The following MAST4 variants were observed in gnomAD, a reference collection of about 807,000 sequenced individuals.
The protein encoded by MAST4 is microtubule-associated serine/threonine-protein kinase 4.
Under a neutral mutation model 162.7 loss-of-function variants are expected in MAST4, and 89 were observed. The ratio of observed to expected loss-of-function variants is 0.55; its 90% CI spans 0.46 to 0.65. MAST4 has a LOEUF of 0.65. Ranked by LOEUF, MAST4 falls within the 30% of genes least tolerant of loss-of-function variation. The pLI is 0.00. For missense variants in MAST4, 3,153 were observed against 3,374.0 expected, an observed-to-expected ratio of 0.93 and a Z score of 1.62; for synonymous variants, 1,479 against 1,361.1, an observed-to-expected ratio of 1.09 and a Z score of -1.91.
chr5:66,628,340 C>CAT (rs531563219), intron 1 of MAST4, among the ~76,000 whole-genome samples: 2 of 136,204 alleles, frequency 1.5e-5, no homozygotes, highest in African/African-American at 5.4e-5. Context: ...GACTTTTTTT[C>CAT]TTTTTTTTTT....
chr5:66,973,894 G>A (rs1300468341), intron 4 of MAST4, among the ~76,000 whole-genome samples: 1 of 152,144 alleles, frequency 6.6e-6, no homozygotes, highest in African/African-American at 2.4e-5. Context: ...TGTTGGTCAA[G>A]TTGTCCTAAA....
At chr5:66,709,568 C>T (rs560584485) in intron 1 of MAST4, among the ~76,000 whole-genome samples, 49 of 152,138 alleles carry the variant, frequency 3.2e-4, no homozygotes, top group African/African-American at 1.0e-3. Flanking sequence ...CCTCCCATCT[C>T]GGCCTCCCAA....
At position 67,014,028 on chromosome 5, in the gene MAST4, CAA is replaced by C. The variant is rs574631253; in HGVS notation, c.675-40374_675-40373del. ...ATCTCAAGACTTTTGATACAAAAAT[CAA>C]AGACTTTTCCAAATAGATTACCTAG... On this transcript the variant is annotated intron_variant, in intron 4 of 28. Transcript: ENST00000403625. Among the ~76,000 whole-genome samples the C allele has an allele frequency of 5.6e-3, 853 of 152,008 alleles. 5 individuals are homozygous for C. The highest frequency in any genetic ancestry group is 0.034 in the South Asian group (164 of 4,822).
intron 1 of MAST4, among the ~76,000 whole-genome samples, chr5:66,598,720 CTGG>C (rs1428630422): frequency 1.3e-5 from 2 of 152,194 alleles, no homozygotes; most frequent in African/African-American, 2.4e-5. Flanking sequence ...AGTATTGCCG[CTGG>C]TGGAGAGTAG....
At chr5:67,082,926 C>G (rs1332172350) in intron 5 of MAST4, among the ~76,000 whole-genome samples, 2 of 152,016 alleles carry the variant, frequency 1.3e-5, no homozygotes, top group African/African-American at 4.8e-5. Flanking sequence ...AAAAAGTCAC[C>G]AAAAAGGGAG....
intron 1 of MAST4, among the ~76,000 whole-genome samples, chr5:66,734,060 C>T (rs1448309025): frequency 1.3e-5 from 2 of 152,144 alleles, no homozygotes; most frequent in Non-Finnish European, 2.9e-5. Flanking sequence ...TGTTACCTTG[C>T]TTTTTACCAA....
At chr5:66,742,225 C>T (rs549855837) in intron 1 of MAST4, among the ~76,000 whole-genome samples, 56 of 152,286 alleles carry the variant, frequency 3.7e-4, no homozygotes, top group African/African-American at 1.3e-3. Flanking sequence ...CAGTTGCTCT[C>T]GCGGTTCATC....
intron 4 of MAST4, among the ~76,000 whole-genome samples, chr5:66,918,182 A>C (rs1764242779): frequency 6.6e-6 from 1 of 152,176 alleles, no homozygotes; most frequent in Non-Finnish European, 1.5e-5. Flanking sequence ...TGATAATTAT[A>C]TTATTGCATT....
chr5:67,148,321 A>G (rs900404485), intron 23 of MAST4, among the ~76,000 whole-genome samples: 1 of 152,226 alleles, frequency 6.6e-6, no homozygotes, highest in Admixed American at 6.5e-5. Flanking sequence ...ATGTGCTATC[A>G]ATGATGTTTT....
intron 6 of MAST4, 129 bp downstream of exon 6, chr5:67,090,360 C>CCCCCACTTCCCCTTCTGCCCCT (rs1763707847): frequency 2.5e-6 from 1 of 407,764 alleles, no homozygotes; most frequent in Non-Finnish European, 4.5e-6. Context: ...CTTCCCCTTC[C>CCCCCACTTCCCCTTCTGCCCCT]CCCCACTTCC....
intron 12 of MAST4, 105 bp downstream of exon 12, chr5:67,114,324 T>C (rs1766623930): frequency 7.3e-7 from 1 of 1,369,596 alleles, no homozygotes; most frequent in Non-Finnish European, 9.9e-7. Flanking sequence ...TTTGGCTCTA[T>C]CTATTGATAA....
At chr5:67,060,527 G>A (rs1049898197) in intron 5 of MAST4, among the ~76,000 whole-genome samples, 1 of 147,026 alleles carries the variant, frequency 6.8e-6, no homozygotes, top group Admixed American at 7.0e-5. Context: ...GCCCAGGCTG[G>A]AGTGCAGTGG....
rs1744150780 is a variant in MAST4, at chr5:66,622,629, G to T, written c.363+25611G>T. Among the ~76,000 whole-genome samples the T allele has an allele frequency of 1.3e-5, 2 of 152,146 alleles. 1 individual carries two copies. Among genetic ancestry groups the T allele is most frequent in the South Asian group, 4.1e-4 (2 of 4,824 alleles). On this transcript the variant is annotated intron_variant, in intron 1 of 28. Transcript: ENST00000403625. Reference sequence around the variant, plus strand: ...TGGTGCTTGGAGCAGGTTGACAATAGAGGTGGTAAGAAGCAAACAGGCTCA... The same window carrying T: ...TGGTGCTTGGAGCAGGTTGACAATATAGGTGGTAAGAAGCAAACAGGCTCA...
intron 5 of MAST4, among the ~76,000 whole-genome samples, chr5:67,057,247 C>T (rs1193332570): frequency 6.6e-6 from 1 of 152,154 alleles, no homozygotes; most frequent in Non-Finnish European, 1.5e-5. Flanking sequence ...GTTCTCTATC[C>T]TGCGTTGGAC....
At chr5:67,090,495 G>A (rs1176664256) in intron 6 of MAST4, among the ~76,000 whole-genome samples, 2 of 136,230 alleles carry the variant, frequency 1.5e-5, no homozygotes, top group Non-Finnish European at 3.1e-5. Context: ...TGCCTTGTGA[G>A]GTCCTGCTCA....
chr5:66,761,867 G>A (rs1269468883), intron 2 of MAST4, among the ~76,000 whole-genome samples: 2 of 152,144 alleles, frequency 1.3e-5, no homozygotes, highest in African/African-American at 4.8e-5. Flanking sequence ...AGATCCCAAA[G>A]ATTATTCTCT....
intron 4 of MAST4, among the ~76,000 whole-genome samples, chr5:66,910,876 T>A (rs866213913): frequency 1.3e-5 from 2 of 151,902 alleles, no homozygotes; most frequent in African/African-American, 4.8e-5. Context: ...GCCTCCCAAG[T>A]AGCTGGGACT....
At chr5:67,154,569 G>A (rs1378269118) in intron 26 of MAST4, among the ~76,000 whole-genome samples, 1 of 152,194 alleles carries the variant, frequency 6.6e-6, no homozygotes, top group Non-Finnish European at 1.5e-5. Context: ...AGCAGACTCA[G>A]ATGATCCCAT....
At chr5:66,668,958 C>T (rs1166456072) in intron 1 of MAST4, among the ~76,000 whole-genome samples, 2 of 152,074 alleles carry the variant, frequency 1.3e-5, no homozygotes, top group Non-Finnish European at 2.9e-5. Flanking sequence ...TCAAAACTAC[C>T]CTAGACTTGC....
Sources: allele counts gnomAD v4.1 joint callset (sites outside exome capture counted in the v4.1 genomes callset), GRCh38; gene constraint gnomAD v4.1.1; transcripts MANE v1.5; gene names NCBI Gene and HGNC (gene_info 2026-07-23, HGNC 2026-07-21).